The following SIGIRR variants were observed in gnomAD, a reference collection of about 807,000 sequenced individuals.
The protein encoded by SIGIRR is single Ig and TIR domain containing, also known as single Ig IL-1-related receptor.
A neutral mutation model predicts 45.6 loss-of-function variants in SIGIRR; 41 were observed. That is an observed-to-expected ratio of 0.90 (90% CI 0.70 to 1.17). The LOEUF (loss-of-function observed/expected upper bound fraction) is 1.17. Among genes scored for constraint, SIGIRR ranks in the 50% most tolerant of loss-of-function variants. SIGIRR has a pLI of 0.00. For synonymous variants in SIGIRR, 298 were observed against 239.0 expected (o/e 1.25, Z -2.28); for missense variants, 599 against 539.6 (o/e 1.11, Z -1.09).
At position 409,853 on chromosome 11, in the gene SIGIRR, C is replaced by A; in HGVS notation, c.7+15G>T. On this transcript the variant is annotated intron_variant, in intron 2 of 9. Coordinates refer to ENST00000431843, the MANE Select transcript of SIGIRR (RefSeq NM_001135054.2). ...GAGTGGGGAATTCAAGCCCATCCCT[C>A]TCTGACCTGCCTACCTGGCATGGCT... 1 of 1,339,502 alleles carries A rather than the reference C, an allele frequency of 7.5e-7. No individual in the cohort carries two copies. The allele number at this position is 1,339,502 out of a possible 1,614,324, so 83.0% of individuals were successfully genotyped here. A position where few individuals can be genotyped will look rare whatever the true frequency, so the allele number is the denominator to read the frequency against.
chr11:405,773 T>TTTCCCAGGGCTGCTGGCAGG lies in SIGIRR; in HGVS notation c.*103_*122dup. ...GGGAGGCGCCCTGAGGCCACAGCCT[T>TTTCCCAGGGCTGCTGGCAGG]TTCCCAGGGCTGCTGGCAGGGTCCC... On this transcript the variant is annotated 3_prime_UTR_variant, in exon 10 of 10. Coordinates refer to ENST00000431843, the MANE Select transcript of SIGIRR (RefSeq NM_001135054.2). The TTTCCCAGGGCTGCTGGCAGG allele has an allele frequency of 7.9e-7, 1 of 1,270,278 alleles. No homozygotes were observed. The highest frequency in any genetic ancestry group is 1.1e-6 in the Non-Finnish European group (1 of 936,298). The allele number at this position is 1,270,278 out of a possible 1,614,324, so 78.7% of individuals were successfully genotyped here.
Position 414,811 on chromosome 11 carries a change from G to A in SIGIRR, c.-154+12C>T. The A allele has an allele frequency of 1.0e-6, 1 of 985,564 alleles. No homozygotes were observed. The highest frequency in any genetic ancestry group is 4.7e-5 in the South Asian group (1 of 21,304). The allele number at this position is 985,564 out of a possible 1,614,324, so 61.1% of individuals were successfully genotyped here. A position where few individuals can be genotyped will look rare whatever the true frequency, so the allele number is the denominator to read the frequency against. On this transcript the variant is annotated intron_variant, in intron 1 of 9. Coordinates refer to ENST00000431843, the MANE Select transcript of SIGIRR (RefSeq NM_001135054.2). The stretch of plus-strand genomic sequence containing the variant: ...ACACAGGCTCACTCAGAGCAGCGGG[G>A]AAGGCAGTCACCTGGTTCCAGTTCT...
intron 1 of SIGIRR, among the ~76,000 whole-genome samples, chr11:410,983 G>A (rs59673636): frequency 1.5e-4 from 2 of 13,360 alleles, no homozygotes; most frequent in African/African-American, 5.2e-4. Context: ...GGATGCAGTC[G>A]GGGAGGGGGG....
chr11:407,017 G>A, intron 7 of SIGIRR, 24 bp from the exon 8 acceptor site: 4 of 1,587,760 alleles, frequency 2.5e-6, no homozygotes, highest in Non-Finnish European at 3.4e-6. Context: ...CCGTCAGGGG[G>A]GTGGGTGCTA....
chr11:409,796 A>G, intron 2 of SIGIRR, 72 bp downstream of exon 2: 1 of 1,360,086 alleles, frequency 7.4e-7, no homozygotes, highest in Non-Finnish European at 9.5e-7. Context: ...CAGGATGCAC[A>G]ATGTGGAGCC....
upstream of SIGIRR, among the ~76,000 whole-genome samples, chr11:415,448 C>T (rs1266971272): frequency 6.6e-6 from 1 of 152,136 alleles, no homozygotes; most frequent in African/African-American, 2.4e-5. This position sits in a 1 kb window ranked among gnomAD's most constrained non-coding sequence, Gnocchi z 6.6. Context: ...GCGCGGCATG[C>T]CTTCCAGACG....
intron 5 of SIGIRR, 122 bp downstream of exon 5, chr11:407,695 G>A (rs1847408631): frequency 1.3e-5 from 20 of 1,563,330 alleles, no homozygotes; most frequent in Non-Finnish European, 1.7e-5. Context: ...ACCCCAGCCG[G>A]GCCGCACAGA....
In SIGIRR at chr11:408,143, A is replaced by G. The variant is rs1248927143; in HGVS notation, c.270T>C (p.Thr90=). The G allele has an allele frequency of 1.9e-6, 3 of 1,612,684 alleles. No homozygotes were observed. Among genetic ancestry groups the G allele is most frequent in the East Asian group, 2.2e-5 (1 of 44,888 alleles). ...SSVLGVNVTS[T]EVYGAFTCSI... Reference sequence around the variant, plus strand: ...AGCAGGTGAAGGCCCCATAGACTTCAGTGCTGGTCACGTTGACCCCCAGGA... The same window carrying G: ...AGCAGGTGAAGGCCCCATAGACTTCGGTGCTGGTCACGTTGACCCCCAGGA... The change falls in exon 4 of 10, where the codon ACT becomes ACC. Residue 90 remains threonine, a synonymous_variant. Transcript: ENST00000431843.
rs1847441062 is a variant in SIGIRR, at chr11:408,212, GA to G, written c.207-7del. 1 of 1,612,268 alleles carries G rather than the reference GA, an allele frequency of 6.2e-7. No homozygotes were observed. Among genetic ancestry groups the G allele is most frequent in the East Asian group, 2.2e-5 (1 of 44,880 alleles). ...CTGACAGGTTGGCCTTGACCCTGGG[GA>G]TACCAAGCCAGGGTCAGGGTCGACT... On this transcript the variant is annotated splice_region_variant and splice_polypyrimidine_tract_variant and intron_variant, in intron 3 of 9. Transcript: ENST00000431843.
rs1361664008 is a variant in SIGIRR at position 409,437 on chromosome 11, C to T, written c.7+431G>A. The T allele has an allele frequency of 1.2e-5, 3 of 260,648 alleles. No homozygotes were observed. In the Admixed American group the frequency reaches 1.5e-4, roughly 13 times the overall value. The allele number at this position is 260,648 out of a possible 1,614,324, so 16.1% of individuals were successfully genotyped here. Reference sequence around the variant, plus strand: ...CATTCCTGCCTTGGGGGTCTTGGGGCCCTCTGCTCCTGGCCACAGGCAAGC... The same window carrying T: ...CATTCCTGCCTTGGGGGTCTTGGGGTCCTCTGCTCCTGGCCACAGGCAAGC... On this transcript the variant is annotated intron_variant, in intron 2 of 9. Coordinates refer to ENST00000431843, the MANE Select transcript of SIGIRR (RefSeq NM_001135054.2).
rs1178196292 is a variant in SIGIRR at position 407,725 on chromosome 11, T to G, written c.481+92A>C. The G allele has an allele frequency of 1.9e-6, 3 of 1,577,372 alleles. No homozygotes were observed. In the African/African-American group the frequency reaches 4.0e-5, roughly 21 times the overall value. ...CACAGAGCACCCGGGGGCTAACCCC[T>G]CCCCGCCGCACGCCTCCAAAGCCGA... On this transcript the variant is annotated intron_variant, in intron 5 of 9. Transcript: ENST00000431843.
intron 8 of SIGIRR, 26 bp downstream of exon 8, chr11:406,817 C>T: frequency 6.6e-7 from 1 of 1,504,280 alleles, no homozygotes; most frequent in East Asian, 2.4e-5. Flanking sequence ...CCGCTAGCCC[C>T]GGACCCTCCC....
intron 1 of SIGIRR, among the ~76,000 whole-genome samples, chr11:410,462 A>G (rs7131456): frequency 0.84 from 126,479 of 150,776 alleles, 53,676 homozygotes; most frequent in East Asian, 1. Context: ...ACACCATGGG[A>G]GATGCCCAGC....
upstream of SIGIRR, among the ~76,000 whole-genome samples, chr11:416,088 T>C (rs1590397515): frequency 6.6e-6 from 1 of 152,132 alleles, no homozygotes. This position sits in a 1 kb window ranked among gnomAD's most constrained non-coding sequence, Gnocchi z 9.1. Flanking sequence ...ACAGCACCCC[T>C]TCCCCCACAG....
chr11:407,800 A>G lies in SIGIRR; in HGVS notation c.481+17T>C. On this transcript the variant is annotated intron_variant, in intron 5 of 9. Transcript: ENST00000431843. ...GCCGTGGCGACCCCTCCTCGCGCCCACGCGGGCCCCACGCACCGTTTATCT... is the reference window on the plus strand; with the variant it reads ...GCCGTGGCGACCCCTCCTCGCGCCCGCGCGGGCCCCACGCACCGTTTATCT... The G allele has an allele frequency of 6.2e-7, 1 of 1,612,088 alleles. No homozygotes were observed. The highest frequency in any genetic ancestry group is 1.1e-5 in the South Asian group (1 of 91,052).
chr11:414,162 T>C (rs1458594053), intron 1 of SIGIRR, among the ~76,000 whole-genome samples: 1 of 34,956 alleles, frequency 2.9e-5, no homozygotes, highest in Non-Finnish European at 5.4e-5. Context: ...TCCCCACCTT[T>C]CCCTGCACCC....
chr11:413,131 TAA>T (rs1847747482), intron 1 of SIGIRR, among the ~76,000 whole-genome samples: 1 of 152,090 alleles, frequency 6.6e-6, no homozygotes, highest in Non-Finnish European at 1.5e-5. Context: ...GGATCAAGCC[TAA>T]GTTTCTGCAC....
At chr11:411,113 G>C (rs1424712973) in intron 1 of SIGIRR, among the ~76,000 whole-genome samples, 2 of 40,282 alleles carry the variant, frequency 5.0e-5, no homozygotes, top group Admixed American at 2.6e-4. Flanking sequence ...CGGGCGGGGG[G>C]GGTGCTCAGC....
chr11:409,805 C>T, intron 2 of SIGIRR, 63 bp downstream of exon 2: 1 of 1,368,206 alleles, frequency 7.3e-7, no homozygotes, highest in Non-Finnish European at 9.5e-7. Context: ...CAATGTGGAG[C>T]CAGCCTGAGG....
Sources: gnomAD v4.1 joint callset for allele counts (sites outside exome capture counted in the v4.1 genomes callset) on GRCh38, gnomAD v4.1.1 for gene constraint, Gnocchi (gnomAD v3.1) non-coding constraint, MANE v1.5 for transcripts, NCBI Gene and HGNC (gene_info 2026-07-23, HGNC 2026-07-21) for gene names.